The following NPAT variants were observed in gnomAD, a reference collection of about 807,000 sequenced individuals.
NPAT encodes the protein protein NPAT.
A neutral mutation model predicts 130.7 loss-of-function variants in NPAT; 52 were observed. The ratio of observed to expected loss-of-function variants is 0.40; its 90% CI spans 0.32 to 0.50. NPAT has a LOEUF of 0.50. NPAT is among the 20% of genes least tolerant of loss of function. The probability of loss-of-function intolerance (pLI) is 0.68; values close to 1 mark genes in which losing one functional copy is unlikely to be tolerated. For missense variants in NPAT, 1,687 were observed against 1,662.6 expected (o/e 1.01, Z -0.26); for synonymous variants, 580 against 584.8 (o/e 0.99, Z 0.12).
intron 15 of NPAT, among the ~76,000 whole-genome samples, chr11:108,168,810 C>T (rs1404853821): frequency 2.0e-5 from 3 of 152,026 alleles, no homozygotes; most frequent in Non-Finnish European, 2.9e-5. Flanking sequence ...AGAAAGATCA[C>T]CAAGTATAAG....
In NPAT at chr11:108,219,380, T is replaced by TG. The variant is rs142045291; in HGVS notation, c.37+3119dup. 9.0e-3 allele frequency among the ~76,000 whole-genome samples: 1,378 copies of TG among 152,346 alleles called. 20 individuals carry two copies. The highest frequency in any genetic ancestry group is 0.031 in the African/African-American group (1,300 of 41,570). On this transcript the variant is annotated intron_variant, in intron 1 of 17. Coordinates refer to ENST00000278612, the MANE Select transcript of NPAT (RefSeq NM_002519.3). ...TTCCTACTGTTGCTAACCACTGAGA[T>TG]GCCTTAGTTGTAAGCTGCTGGGCGT...
chr11:108,205,067 T>C (rs888268325), intron 1 of NPAT, among the ~76,000 whole-genome samples: 4 of 152,104 alleles, frequency 2.6e-5, no homozygotes, highest in Non-Finnish European at 4.4e-5. Context: ...ATAATCAAAC[T>C]GAAAATACAA....
At position 108,172,447 on chromosome 11, in the gene NPAT, T is replaced by A. The variant is rs1591389970; in HGVS notation, c.2537A>T (p.Asp846Val). Residue 846 changes from aspartate to valine, a missense_variant, in exon 13 of 18, where the codon GAT (aspartate) becomes GTT (valine). This residue lies in a region of NPAT where 1,379 missense variants were observed against 1,346.6 expected (regional missense o/e 1.02). Transcript: ENST00000278612. ...TGGCATCAACTGTATATATCCTCCA[T>A]CCTTGGAAACACATGGTGTAACATT... ...SANVTPCVSK[D>V]GGYIQLMPAT... 6.2e-7 allele frequency: 1 copy of A among 1,614,138 alleles called. No homozygotes were observed.
In NPAT at chr11:108,169,755, T is replaced by C; in HGVS notation, c.2999A>G (p.Lys1000Arg). The stretch of plus-strand genomic sequence containing the variant: ...ATTAAAAATGGTACCTATACAAGGC[T>C]TGTTTCTTAGTCCCTGAGCCTTCTG... ...KSQKAQGLRN[K>R]PCIGKQVNNL... Residue 1000 changes from lysine (K) to arginine (R), a missense_variant, in exon 15 of 18, where the codon AAG becomes AGG. Lys to Arg is a conservative substitution (Grantham distance 26). Transcript: ENST00000278612. 1 of 1,608,536 alleles carries C rather than the reference T, an allele frequency of 6.2e-7. No homozygotes were observed. Among genetic ancestry groups the C allele is most frequent in the Non-Finnish European group, 8.5e-7 (1 of 1,174,892 alleles).
chr11:108,185,337 A>T lies in NPAT; in HGVS notation c.819-18T>A. The T allele has an allele frequency of 6.3e-7, 1 of 1,586,356 alleles. No homozygotes were observed. Among genetic ancestry groups the T allele is most frequent in the Admixed American group, 1.7e-5 (1 of 59,186 alleles). On this transcript the variant is annotated intron_variant, in intron 9 of 17. Transcript: ENST00000278612. ...TGTTATCACTGTTAATAAAGAAAGA[A>T]AAATCTTTATTATAGTTATGCAATT...
chr11:108,206,162 T>C (rs1390887213), intron 1 of NPAT, among the ~76,000 whole-genome samples: 4 of 152,250 alleles, frequency 2.6e-5, no homozygotes, highest in African/African-American at 9.6e-5. Flanking sequence ...GCATATAATG[T>C]ATGAAGGTGT....
chr11:108,179,328 C>T lies in NPAT; in HGVS notation c.907-2238G>A, dbSNP rs907868183. Among the ~76,000 whole-genome samples the T allele has an allele frequency of 2.8e-4, 42 of 152,112 alleles. 1 individual carries two copies. Among genetic ancestry groups the T allele is most frequent in the African/African-American group, 9.6e-4 (40 of 41,470 alleles). On this transcript the variant is annotated intron_variant, in intron 10 of 17. Coordinates refer to ENST00000278612, the MANE Select transcript of NPAT (RefSeq NM_002519.3). ...CGTTGCCCAGGCTAGAGTGCAATGG[C>T]GCAATCTCATCTCACCACAACCTCC...
At chr11:108,222,352 A>G in intron 1 of NPAT, 148 bp downstream of exon 1, 2 of 825,696 alleles carry the variant, frequency 2.4e-6, no homozygotes, top group Non-Finnish European at 4.1e-6. Flanking sequence ...AGAACCTCCG[A>G]ATGACGAAGA....
rs760913450 is a variant in NPAT at position 108,161,421 on chromosome 11, G to A, written c.3665C>T (p.Ser1222Leu). 2 of 1,614,174 alleles carry A rather than the reference G, an allele frequency of 1.2e-6. No individual in the cohort carries two copies. The highest frequency in any genetic ancestry group is 3.3e-5 in the Admixed American group (2 of 60,024). The change falls in exon 17 of 18, where the codon TCA (serine) becomes TTA (leucine). Residue 1222 changes from serine to leucine, a missense_variant. Transcript: ENST00000278612. ...GTSSNNKNVL[S>L]VGTAVKDLKQ... The stretch of plus-strand genomic sequence containing the variant: ...TAGATCCTTCACAGCTGTACCTACT[G>A]AAAGTACATTTTTATTGTTTGAAGA...
At chr11:108,189,485 C>A (rs1349219519) in intron 5 of NPAT, 155 bp from the exon 6 acceptor site, 1 of 691,212 alleles carries the variant, frequency 1.4e-6, no homozygotes, top group East Asian at 2.7e-5. Context: ...ATGCGACTTT[C>A]AGAAGAAACT....
intron 1 of NPAT, among the ~76,000 whole-genome samples, chr11:108,202,024 A>G (rs2078279691): frequency 6.6e-6 from 1 of 151,932 alleles, no homozygotes; most frequent in South Asian, 2.1e-4. Context: ...TATTGATAGC[A>G]TGCCTCTCTC....
At chr11:108,200,767 C>T (rs775638293) in intron 1 of NPAT, among the ~76,000 whole-genome samples, 16 of 152,288 alleles carry the variant, frequency 1.1e-4, no homozygotes, top group East Asian at 3.9e-4. Context: ...AAGACCTCTG[C>T]CTCATTAATG....
At chr11:108,203,081 G>A (rs1459220155) in intron 1 of NPAT, among the ~76,000 whole-genome samples, 5 of 152,138 alleles carry the variant, frequency 3.3e-5, no homozygotes, top group African/African-American at 9.7e-5. Context: ...GCAGAAAACT[G>A]TCTTGAGAGA....
rs540362549 is a variant in NPAT at position 108,162,555 on chromosome 11, C to T, written c.3011-375G>A. On this transcript the variant is annotated intron_variant, in intron 15 of 17. Transcript: ENST00000278612. ...AAGCAATTCTCCTGCCTCAGCCTCC[C>T]GAGTAGCTGGGATTACAGGCGCCCC... Among the ~76,000 whole-genome samples the T allele has an allele frequency of 2.1e-3, 318 of 152,190 alleles. 1 individual carries two copies. The highest frequency in any genetic ancestry group is 7.1e-3 in the African/African-American group (296 of 41,538).
At chr11:108,169,386 A>G (rs537128424) in intron 15 of NPAT, among the ~76,000 whole-genome samples, 1 of 152,334 alleles carries the variant, frequency 6.6e-6, no homozygotes, top group South Asian at 2.1e-4. Flanking sequence ...AATAGTTCAT[A>G]TACACACTAA....
intron 1 of NPAT, among the ~76,000 whole-genome samples, chr11:108,216,997 T>G (rs1480151127): frequency 6.6e-6 from 1 of 152,216 alleles, no homozygotes; most frequent in East Asian, 1.9e-4. Context: ...ATGTTTTTGT[T>G]ATACTGCTGA....
intron 1 of NPAT, among the ~76,000 whole-genome samples, chr11:108,212,973 G>A (rs937554730): frequency 7.9e-6 from 1 of 126,484 alleles, no homozygotes; most frequent in African/African-American, 3.0e-5. Context: ...AAAAAAAAAA[G>A]GAGTTAAGAA....
At chr11:108,192,045 G>T in intron 4 of NPAT, 73 bp downstream of exon 4, 1 of 983,648 alleles carries the variant, frequency 1.0e-6, no homozygotes, top group Non-Finnish European at 1.7e-6. Context: ...ACACTGTGTA[G>T]GTCTTAAGAA....
At chr11:108,218,834 T>C (rs375881570) in intron 1 of NPAT, among the ~76,000 whole-genome samples, 3 of 152,176 alleles carry the variant, frequency 2.0e-5, no homozygotes, top group Non-Finnish European at 2.9e-5. Flanking sequence ...AGGGTAACAG[T>C]TGGAGATACA....
Sources: gnomAD v4.1 joint callset for allele counts (sites outside exome capture counted in the v4.1 genomes callset) on GRCh38, gnomAD v4.1.1 for gene constraint, gnomAD v4.1.1 regional missense constraint, MANE v1.5 for transcripts, NCBI Gene and HGNC (gene_info 2026-07-23, HGNC 2026-07-21) for gene names.